The following ADRA1B variants were observed in gnomAD, a reference collection of about 807,000 sequenced individuals.
ADRA1B encodes adrenoceptor alpha 1B.
In ADRA1B, 17 loss-of-function variants were observed where a neutral mutation model predicts 17.9. The observed-to-expected ratio is 0.95, with a 90% CI of 0.65 to 1.42. The LOEUF is 1.42. Among genes scored for constraint, ADRA1B ranks in the 40% most tolerant of loss-of-function variants. The probability of loss-of-function intolerance (pLI) is 0.00; values close to 1 mark genes in which losing one functional copy is unlikely to be tolerated. For synonymous variants in ADRA1B, 366 were observed against 327.6 expected, an observed-to-expected ratio of 1.12 and a Z score of -1.27; for missense variants, 681 against 722.1, an observed-to-expected ratio of 0.94 and a Z score of 0.65.
At position 159,892,492 on chromosome 5, in the gene ADRA1B, A is replaced by T. The variant is rs116581657; in HGVS notation, c.-255-23627A>T. Among the ~76,000 whole-genome samples, 1,076 of 151,990 alleles carry T rather than the reference A, an allele frequency of 7.1e-3. 17 individuals are homozygous for T. The highest frequency in any genetic ancestry group is 0.025 in the African/African-American group (1,031 of 41,438). ...CTGATGCTCTCCCTTCTCCCCCTCA[A>T]CACTCTGACAGGCCCCAGTGTGTGT... On this transcript the variant is annotated intron_variant, in intron 1 of 2. Transcript: ENST00000641205.
Position 159,938,792 on chromosome 5 carries a change from T to G in ADRA1B, c.949+20938T>G, listed in dbSNP as rs1170984690. On this transcript the variant is annotated intron_variant, in intron 1 of 1. Coordinates refer to ENST00000306675, the MANE Select transcript of ADRA1B (RefSeq NM_000679.4). Reference sequence around the variant, plus strand: ...CTTGCGAGGTCCTAATTAGGTTATTTGCGGCCATTGGCCTAGCCTGAAAAC... The same window carrying G: ...CTTGCGAGGTCCTAATTAGGTTATTGGCGGCCATTGGCCTAGCCTGAAAAC... 2.6e-5 allele frequency among the ~76,000 whole-genome samples: 4 copies of G among 152,256 alleles called. No homozygotes were observed. The East Asian group carries it at 7.7e-4, about 29-fold the overall frequency.
At chr5:159,900,864 A>T (rs938909135) in intron 1 of ADRA1B, among the ~76,000 whole-genome samples, 1 of 152,234 alleles carries the variant, frequency 6.6e-6, no homozygotes, top group Admixed American at 6.5e-5. Context: ...TCTGAAAATT[A>T]CATCTGCTCT....
At chr5:159,886,731 C>T (rs183880953) in intron 1 of ADRA1B, among the ~76,000 whole-genome samples, 3 of 152,106 alleles carry the variant, frequency 2.0e-5, no homozygotes, top group Admixed American at 6.5e-5. Flanking sequence ...TCTTACATTG[C>T]GGAGTGTTGT....
At chr5:159,883,482 T>C (rs1753885369) in intron 1 of ADRA1B, among the ~76,000 whole-genome samples, 1 of 152,212 alleles carries the variant, frequency 6.6e-6, no homozygotes, top group Non-Finnish European at 1.5e-5. Flanking sequence ...AAAGGGCAAC[T>C]CTTGTTGTCC....
chr5:159,905,123 G>T (rs1203058920), intron 1 of ADRA1B, among the ~76,000 whole-genome samples: 5 of 152,232 alleles, frequency 3.3e-5, no homozygotes, highest in Admixed American at 1.3e-4. Flanking sequence ...GAGAACAAAA[G>T]GTTAGAAAAG....
At chr5:159,899,263 A>AAGGAAGGAAGGAAAG (rs1754070513) in intron 1 of ADRA1B, among the ~76,000 whole-genome samples, 1 of 106,412 alleles carries the variant, frequency 9.4e-6, no homozygotes, top group African/African-American at 3.8e-5. Context: ...AGGAAGGAAG[A>AAGGAAGGAAGGAAAG]AAGGAAGGAA....
In ADRA1B at chr5:159,917,148, C is replaced by T; in HGVS notation, c.243C>T (p.Asn81=). The T allele has an allele frequency of 6.2e-7, 1 of 1,614,186 alleles. No homozygotes were observed. Among genetic ancestry groups the T allele is most frequent in the Non-Finnish European group, 8.5e-7 (1 of 1,180,042 alleles). The change falls in exon 1 of 2, where the codon AAC becomes AAT. Residue 81 remains asparagine (N), a synonymous_variant. Coordinates refer to ENST00000306675, the MANE Select transcript of ADRA1B (RefSeq NM_000679.4). Reference sequence around the variant, plus strand: ...ACCGGCACCTGCGGACGCCCACCAACTACTTCATTGTCAACCTGGCCATGG... The same window carrying T: ...ACCGGCACCTGCGGACGCCCACCAATTACTTCATTGTCAACCTGGCCATGG... ...ACNRHLRTPT[N]YFIVNLAMAD...
chr5:159,943,685 C>G (rs1755194888), intron 1 of ADRA1B, among the ~76,000 whole-genome samples: 1 of 152,038 alleles, frequency 6.6e-6, no homozygotes, highest in African/African-American at 2.4e-5. Flanking sequence ...TAGGGGATTT[C>G]AGGGGTTGGG....
At chr5:159,876,703 G>A (rs1453999714) in intron 1 of ADRA1B, among the ~76,000 whole-genome samples, 1 of 152,212 alleles carries the variant, frequency 6.6e-6, no homozygotes, top group Non-Finnish European at 1.5e-5. Context: ...GATTCTGTTA[G>A]AGTGGCTCTG....
intron 1 of ADRA1B, among the ~76,000 whole-genome samples, chr5:159,902,051 T>C (rs574173095): frequency 6.6e-6 from 1 of 152,356 alleles, no homozygotes; most frequent in South Asian, 2.1e-4. Flanking sequence ...TATGCACCCA[T>C]GTTTGCTGCA....
chr5:159,953,538 A>G (rs1330817513), intron 1 of ADRA1B, among the ~76,000 whole-genome samples: 2 of 152,158 alleles, frequency 1.3e-5, no homozygotes, highest in Admixed American at 1.3e-4. Flanking sequence ...GGCAATCAGC[A>G]CTGGGGTGTG....
chr5:159,942,057 G>A (rs1167013863), intron 1 of ADRA1B, among the ~76,000 whole-genome samples: 3 of 151,812 alleles, frequency 2.0e-5, no homozygotes, highest in South Asian at 2.1e-4. Flanking sequence ...CGAGTAGTTG[G>A]GACTACAGGT....
chr5:159,868,803 A>G (rs1753698074), intron 1 of ADRA1B: 2 of 152,330 alleles, frequency 1.3e-5, no homozygotes, highest in East Asian at 3.9e-4. Context: ...AATGATAGAA[A>G]GTTCATTGCC....
chr5:159,935,712 A>C (rs910392459), intron 1 of ADRA1B, among the ~76,000 whole-genome samples: 9 of 152,126 alleles, frequency 5.9e-5, no homozygotes, highest in African/African-American at 2.2e-4. Context: ...ACACCTAGCT[A>C]ATTTTTGTAT....
Position 159,961,018 on chromosome 5 carries a change from G to A in ADRA1B, c.950-10861G>A, listed in dbSNP as rs114438460. 3.7e-3 allele frequency among the ~76,000 whole-genome samples: 566 copies of A among 152,284 alleles called. 1 individual carries two copies. Among genetic ancestry groups the A allele is most frequent in the African/African-American group, 0.013 (523 of 41,558 alleles). On this transcript the variant is annotated intron_variant, in intron 1 of 1. Transcript: ENST00000306675. ...TAGACCTAAGCAATTGTAATCCAAG[G>A]TTCAAAGGGACAAATGCCACATTTT...
At chr5:159,959,450 AAAT>A (rs1755624136) in intron 1 of ADRA1B, among the ~76,000 whole-genome samples, 1 of 152,252 alleles carries the variant, frequency 6.6e-6, no homozygotes, top group African/African-American at 2.4e-5. Flanking sequence ...AAACCAAGAC[AAAT>A]AAGATTGACC....
chr5:159,895,285 C>G (rs1754030381), intron 1 of ADRA1B, among the ~76,000 whole-genome samples: 1 of 152,214 alleles, frequency 6.6e-6, no homozygotes, highest in Non-Finnish European at 1.5e-5. Context: ...ATCCCAGGCC[C>G]AGTGGAATCT....
the ADRA1B span, among the ~76,000 whole-genome samples, chr5:159,982,022 C>T: frequency 3.3e-5 from 5 of 152,178 alleles, no homozygotes; most frequent in Admixed American, 3.3e-4. Flanking sequence ...ATTCTGTTTC[C>T]ACCTGTCTTT....
chr5:159,945,096 A>G (rs775264090), intron 1 of ADRA1B, among the ~76,000 whole-genome samples: 1 of 152,194 alleles, frequency 6.6e-6, no homozygotes, highest in Non-Finnish European at 1.5e-5. Context: ...AAGAAAAAAG[A>G]GGGCCGGGTG....
Sources: gnomAD v4.1 joint callset for allele counts (sites outside exome capture counted in the v4.1 genomes callset) on GRCh38, gnomAD v4.1.1 for gene constraint, MANE v1.5 for transcripts, NCBI Gene and HGNC (gene_info 2026-07-23, HGNC 2026-07-21) for gene names.